The following DVL2 variants were observed in gnomAD, a reference collection of about 807,000 sequenced individuals.
DVL2 encodes the protein segment polarity protein dishevelled homolog DVL-2.
A neutral mutation model predicts 69.8 loss-of-function variants in DVL2; 38 were observed. That is an observed-to-expected ratio of 0.54 (90% CI 0.42 to 0.71). The LOEUF is 0.71. Ranked by LOEUF, DVL2 falls within the 30% of genes least tolerant of loss-of-function variation. The pLI is 0.00. For missense variants in DVL2, 931 were observed against 1,008.1 expected, an observed-to-expected ratio of 0.92 and a Z score of 1.04; for synonymous variants, 428 against 392.4, an observed-to-expected ratio of 1.09 and a Z score of -1.07.
At chr17:7,226,696 G>A in intron 13 of DVL2, 57 bp from the exon 14 acceptor site, 3 of 1,318,342 alleles carry the variant, frequency 2.3e-6, no homozygotes, top group East Asian at 2.5e-5. Context: ...AGGGCCCCAA[G>A]ACACCGAATG....
chr17:7,228,834 G>A lies in DVL2; in HGVS notation c.1034+135C>T, dbSNP rs561514326. 1.3e-5 allele frequency: 10 copies of A among 796,494 alleles called. No homozygotes were observed. The East Asian group carries it at 2.1e-4, about 17-fold the overall frequency. 49.3% of individuals were successfully genotyped at this position (796,494 alleles called of 1,614,324 possible). ...TCACCTCAGGTGATCCACCCATCTG[G>A]GCCTCCCAAAGTGCTGGGTTTACAG... On this transcript the variant is annotated intron_variant, in intron 9 of 14. Coordinates refer to ENST00000005340, the MANE Select transcript of DVL2 (RefSeq NM_004422.3).
chr17:7,233,049 C>T (rs1343497454), intron 1 of DVL2, among the ~76,000 whole-genome samples: 1 of 135,878 alleles, frequency 7.4e-6, no homozygotes, highest in East Asian at 2.3e-4. Context: ...GAGAATGCGC[C>T]ACTGCACTCC....
Position 7,226,544 on chromosome 17 carries a change from G to A in DVL2, c.1639C>T (p.Leu547=), listed in dbSNP as rs796500594. 2 of 1,609,038 alleles carry A rather than the reference G, an allele frequency of 1.2e-6. No homozygotes were observed. Among genetic ancestry groups the A allele is most frequent in the Non-Finnish European group, 1.7e-6 (2 of 1,177,918 alleles). Reference sequence around the variant, plus strand: ...TATTGGTAGGAGAAAGTGGGCAGCAGGGGCCAGGGGGTGGCCCCAGGCAGA... The same window carrying A: ...TATTGGTAGGAGAAAGTGGGCAGCAAGGGCCAGGGGGTGGCCCCAGGCAGA... The part of the protein sequence containing the change: ...APLPGATPWP[L]LPTFSYQYPA... Residue 547 remains leucine (L), a synonymous_variant, in exon 14 of 15, where the codon CTG becomes TTG. Transcript: ENST00000005340.
chr17:7,230,891 G>A (rs980968352), intron 1 of DVL2, 94 bp from the exon 2 acceptor site: 12 of 945,202 alleles, frequency 1.3e-5, no homozygotes, highest in Non-Finnish European at 2.0e-5. Context: ...CTGGCTCCAG[G>A]ATGTTGACTT....
In DVL2 at chr17:7,226,242, G is replaced by C. The variant is rs757743539; in HGVS notation, c.1834C>G (p.Pro612Ala). The change falls in exon 15 of 15, where the codon CCC becomes GCC. Residue 612 changes from proline to alanine, a missense_variant. Pro to Ala is a conservative substitution (Grantham distance 27). Transcript: ENST00000005340. ...CTGCCACTGCCGGACTTGGACTCGGGGGCCCGCTCCTCGGGCCTCCCCGTG... is the reference window on the plus strand; with the variant it reads ...CTGCCACTGCCGGACTTGGACTCGGCGGCCCGCTCCTCGGGCCTCCCCGTG... ...GRTGRPEERA[P>A]ESKSGSGSES... The C allele has an allele frequency of 6.2e-7, 1 of 1,611,566 alleles. No homozygotes were observed. The highest frequency in any genetic ancestry group is 1.1e-5 in the South Asian group (1 of 91,038).
At position 7,230,325 on chromosome 17, in the gene DVL2, T is replaced by C. The variant is rs2071523841; in HGVS notation, c.370A>G (p.Arg124Gly). ...APPLPPLPPE[R>G]TSGIGDSRPP... ...CTTGAGTCCCCAATGCCGCTGGTCC[T>C]CTCGGGTGGCAAAGGAGGTAAAGGT... The change falls in exon 3 of 15, where the codon AGG becomes GGG. Residue 124 changes from arginine to glycine, a missense_variant. Transcript: ENST00000005340. 6.2e-7 allele frequency: 1 copy of C among 1,614,042 alleles called. No individual in the cohort carries two copies. Among genetic ancestry groups the C allele is most frequent in the Non-Finnish European group, 8.5e-7 (1 of 1,180,002 alleles).
At chr17:7,230,862 A>G (rs896799118) in intron 1 of DVL2, 65 bp from the exon 2 acceptor site, 8 of 1,263,790 alleles carry the variant, frequency 6.3e-6, no homozygotes, top group Middle Eastern at 1.9e-4. Context: ...CCCCCATCAA[A>G]CTTTCTCCCA....
rs779788537 is a variant in DVL2 at position 7,226,196 on chromosome 17, C to T, written c.1880G>A (p.Arg627Gln). The T allele has an allele frequency of 7.8e-5, 126 of 1,612,306 alleles. No individual in the cohort carries two copies. Among genetic ancestry groups the T allele is most frequent in the African/African-American group, 1.7e-4 (13 of 74,910 alleles). ...CCCACCCCGCCGAAGGCTGCCCCCT[C>T]GGCTGGAGGGCTCAGACTCACTGCC... Reference protein sequence around the residue: ...GSGSESEPSSRGGSLRRGGEA... With the variant: ...GSGSESEPSSQGGSLRRGGEA... The change falls in exon 15 of 15, where the codon CGA (arginine) becomes CAA (glutamine). Residue 627 changes from arginine (R) to glutamine (Q), a missense_variant. Transcript: ENST00000005340.
Position 7,234,450 on chromosome 17 carries a change from C to CA in DVL2, c.-189dup. 1 of 679,708 alleles carries CA rather than the reference C, an allele frequency of 1.5e-6. No homozygotes were observed. The highest frequency in any genetic ancestry group is 2.3e-6 in the Non-Finnish European group (1 of 432,808). 42.1% of individuals were successfully genotyped at this position (679,708 alleles called of 1,614,324 possible). On this transcript the variant is annotated 5_prime_UTR_variant, in exon 1 of 15. Transcript: ENST00000005340. The stretch of plus-strand genomic sequence containing the variant: ...GGGGGGCGGGCCGCGGGGTGCGACT[C>CA]AAAGCCCCGGTCTCAGCGGCCGCCG...
chr17:7,227,583 A>G (rs1320727099), intron 11 of DVL2, 48 bp from the exon 12 acceptor site: 1 of 1,613,108 alleles, frequency 6.2e-7, no homozygotes. Flanking sequence ...CGCTCCCACA[A>G]GGGCAATGGA....
intron 9 of DVL2, chr17:7,228,736 C>T: frequency 2.0e-6 from 1 of 510,028 alleles, no homozygotes; most frequent in Non-Finnish European, 3.5e-6. Flanking sequence ...CATGTGCCAC[C>T]ATGCCCACTT....
Position 7,228,949 on chromosome 17 carries a change from C to T in DVL2, c.1034+20G>A, listed in dbSNP as rs1452163874. On this transcript the variant is annotated intron_variant, in intron 9 of 14. Transcript: ENST00000005340. The stretch of plus-strand genomic sequence containing the variant: ...AAAAAAAAAGAGGACTGAGGACCGG[C>T]AACCTGCTTGGCAACTCACCCAGGC... The T allele has an allele frequency of 6.2e-7, 1 of 1,613,132 alleles. No homozygotes were observed. Among genetic ancestry groups the T allele is most frequent in the Admixed American group, 1.7e-5 (1 of 60,024 alleles).
chr17:7,230,936 A>C (rs1468333350), intron 1 of DVL2, 139 bp from the exon 2 acceptor site: 1 of 581,306 alleles, frequency 1.7e-6, no homozygotes, highest in African/African-American at 1.9e-5. Flanking sequence ...CTTACATTGA[A>C]AGAACTCACT....
intron 2 of DVL2, 134 bp from the exon 3 acceptor site, chr17:7,230,564 C>T: frequency 7.3e-7 from 1 of 1,378,240 alleles, no homozygotes; most frequent in Non-Finnish European, 1.0e-6. Context: ...TTAGAGACTC[C>T]AGAAGGAGAA....
chr17:7,227,273 G>A lies in DVL2; in HGVS notation c.1364-4C>T. 6 of 1,606,342 alleles carry A rather than the reference G, an allele frequency of 3.7e-6. No individual in the cohort carries two copies. The highest frequency in any genetic ancestry group is 4.3e-6 in the Non-Finnish European group (5 of 1,174,694). ...AGCCAGTCAACCACATCCGAGCCTG[G>A]GAGCACCCACAGTGGAAAAAGGCCT... On this transcript the variant is annotated splice_polypyrimidine_tract_variant and splice_region_variant and intron_variant, in intron 12 of 14. Transcript: ENST00000005340.
In DVL2 at chr17:7,227,779, C is replaced by A; in HGVS notation, c.1107G>T (p.Glu369Asp). The change falls in exon 11 of 15, where the codon GAG becomes GAT. Residue 369 changes from glutamate to aspartate, a missense_variant. Coordinates refer to ENST00000005340, the MANE Select transcript of DVL2 (RefSeq NM_004422.3). Reference protein sequence around the residue: ...PQAYFTLPRNEPIQPIDPAAW... With the variant: ...PQAYFTLPRNDPIQPIDPAAW... ...CAGCAGGGTCAATTGGCTGGATGGG[C>A]TCATCTGGGACAAAGATGGCACCAA... The A allele has an allele frequency of 6.4e-7, 1 of 1,572,406 alleles. No homozygotes were observed.
At position 7,230,075 on chromosome 17, in the gene DVL2, G is replaced by A; in HGVS notation, c.491C>T (p.Pro164Leu). ...ATGCTCACTGCTGTCTCTCCTGCGA[G>A]GCCGCTCCCGCCTCAGTGACACTAC... ...ESVVSLRRER[P>L]RRRDSSEHGA... Residue 164 changes from proline to leucine, a missense_variant, in exon 4 of 15, where the codon CCT (proline) becomes CTT (leucine). Pro to Leu is a moderately conservative substitution (Grantham distance 98). Around this residue, in one of 3 missense-constraint regions of DVL2, gnomAD observed 555 missense variants for 588.8 expected, o/e 0.94. Transcript: ENST00000005340. The A allele has an allele frequency of 6.2e-7, 1 of 1,614,150 alleles. No individual in the cohort carries two copies. The highest frequency in any genetic ancestry group is 1.1e-5 in the South Asian group (1 of 91,084).
chr17:7,233,966 G>T (rs767877525), intron 1 of DVL2, 103 bp downstream of exon 1: 7 of 1,268,458 alleles, frequency 5.5e-6, no homozygotes, highest in Non-Finnish European at 7.8e-6. Context: ...TCCACCATAG[G>T]CCAGAAAATC....
chr17:7,229,992 C>G lies in DVL2; in HGVS notation c.521-49G>C. The stretch of plus-strand genomic sequence containing the variant: ...GAACCAAGCTTCCCCCTGCTCACCC[C>G]ACCAAGGCTGGGGTCTGGCCCAGCC... On this transcript the variant is annotated intron_variant, in intron 4 of 14. Coordinates refer to ENST00000005340, the MANE Select transcript of DVL2 (RefSeq NM_004422.3). The surrounding 1 kb of genome is among the most constrained non-coding windows in gnomAD (Gnocchi z 4.4). 2 of 1,610,694 alleles carry G rather than the reference C, an allele frequency of 1.2e-6. No individual in the cohort carries two copies. Among genetic ancestry groups the G allele is most frequent in the Non-Finnish European group, 1.7e-6 (2 of 1,179,812 alleles).
Sources: gnomAD v4.1 joint callset for allele counts (sites outside exome capture counted in the v4.1 genomes callset) on GRCh38, gnomAD v4.1.1 for gene constraint, gnomAD v4.1.1 regional missense constraint, Gnocchi (gnomAD v3.1) non-coding constraint, MANE v1.5 for transcripts, NCBI Gene and HGNC (gene_info 2026-07-23, HGNC 2026-07-21) for gene names.